MSH4: variants seen among roughly 807,000 people sequenced by gnomAD.
MSH4 encodes the protein mutS homolog 4, also known as mutS protein homolog 4.
In MSH4, 106 loss-of-function variants were observed where a neutral mutation model predicts 113.7. The ratio of observed to expected loss-of-function variants is 0.93; its 90% CI spans 0.80 to 1.10. The LOEUF (loss-of-function observed/expected upper bound fraction) is 1.10. Among genes scored for constraint, MSH4 ranks in the 50% least tolerant of loss-of-function variants. MSH4 has a pLI of 0.00. For synonymous variants in MSH4, 368 were observed against 380.2 expected (o/e 0.97, Z 0.37); for missense variants, 1,061 against 1,093.7 (o/e 0.97, Z 0.42).
At chr1:75,869,531 A>G (rs1269119759) in intron 9 of MSH4, among the ~76,000 whole-genome samples, 1 of 152,014 alleles carries the variant, frequency 6.6e-6, no homozygotes, top group Non-Finnish European at 1.5e-5. Flanking sequence ...AGGAGGAAAA[A>G]ATGGTTTTCT....
chr1:75,849,602 A>C (rs1651144627), intron 8 of MSH4, among the ~76,000 whole-genome samples: 1 of 152,184 alleles, frequency 6.6e-6, no homozygotes, highest in Non-Finnish European at 1.5e-5. Flanking sequence ...CACAGAACTG[A>C]GTTTCCTTAA....
chr1:75,907,634 A>T (rs367961225), intron 19 of MSH4, among the ~76,000 whole-genome samples: 1 of 136,502 alleles, frequency 7.3e-6, no homozygotes, highest in Non-Finnish European at 1.6e-5. Flanking sequence ...ACACCAGTGA[A>T]TCTTAGATTT....
chr1:75,816,366 C>G lies in MSH4; in HGVS notation c.816-7C>G, dbSNP rs1557493752. ...CTTATAGTGATGTATTATTGGTCAT[C>G]TTTTAGGTATTACTGCCTTGCAGCT... is the stretch of plus-strand genomic sequence containing the variant. On this transcript the variant is annotated splice_region_variant and splice_polypyrimidine_tract_variant and intron_variant, in intron 5 of 19. Transcript: ENST00000263187. The G allele has an allele frequency of 6.3e-7, 1 of 1,585,430 alleles. No individual in the cohort carries two copies. Among genetic ancestry groups the G allele is most frequent in the Non-Finnish European group, 8.6e-7 (1 of 1,162,662 alleles).
At chr1:75,849,465 A>G (rs1269612271) in intron 8 of MSH4, among the ~76,000 whole-genome samples, 2 of 152,230 alleles carry the variant, frequency 1.3e-5, no homozygotes, top group Non-Finnish European at 2.9e-5. Context: ...CAATTTGATG[A>G]CATTTGTAAA....
intron 8 of MSH4, among the ~76,000 whole-genome samples, chr1:75,856,142 T>A (rs1442492204): frequency 6.6e-6 from 1 of 152,144 alleles, no homozygotes; most frequent in Non-Finnish European, 1.5e-5. Context: ...GACTATCAGA[T>A]TTTAGAAAAG....
intron 7 of MSH4, among the ~76,000 whole-genome samples, chr1:75,824,608 T>G (rs1467606487): frequency 6.6e-6 from 1 of 152,212 alleles, no homozygotes; most frequent in African/African-American, 2.4e-5. Flanking sequence ...GTTTTAGGTC[T>G]TACATTTAAG....
intron 7 of MSH4, among the ~76,000 whole-genome samples, chr1:75,823,745 C>T (rs1650482273): frequency 6.6e-6 from 1 of 152,096 alleles, no homozygotes; most frequent in Non-Finnish European, 1.5e-5. Flanking sequence ...TCTGTTCCTG[C>T]ATTAGTTTGC....
Position 75,822,793 on chromosome 1 carries a change from T to G in MSH4, c.1162+212T>G, listed in dbSNP as rs183307448. Among the ~76,000 whole-genome samples, 165 of 146,316 alleles carry G rather than the reference T, an allele frequency of 1.1e-3. 2 individuals carry two copies. Among genetic ancestry groups the G allele is most frequent in the Non-Finnish European group, 2.1e-4 (14 of 65,278 alleles). On this transcript the variant is annotated intron_variant, in intron 7 of 19. Transcript: ENST00000263187. ...TGTATTTTGATTTCCTGTATGCTTT[T>G]CTTTTCCATTTTTTTCTGTTTTTTT...
At chr1:75,817,708 T>G (rs564566991) in intron 6 of MSH4, among the ~76,000 whole-genome samples, 1 of 152,152 alleles carries the variant, frequency 6.6e-6, no homozygotes, top group Non-Finnish European at 1.5e-5. Flanking sequence ...GCTTGCTGCC[T>G]GTTCAGTGCA....
intron 4 of MSH4, among the ~76,000 whole-genome samples, chr1:75,812,309 C>T (rs1297137968): frequency 1.3e-5 from 2 of 152,064 alleles, no homozygotes; most frequent in Non-Finnish European, 2.9e-5. Context: ...AATTGAACTT[C>T]GGTTTATACT....
In MSH4 at chr1:75,803,749, A is replaced by G. The variant is rs1188025055; in HGVS notation, c.263A>G (p.Lys88Arg). Residue 88 changes from lysine to arginine, a missense_variant, in exon 2 of 20, where the codon AAA becomes AGA. Transcript: ENST00000263187. ...RPAQGSYFGNKRAYAENTVAS... is the reference protein window; with the variant it reads ...RPAQGSYFGNRRAYAENTVAS... Reference sequence around the variant, plus strand: ...AATTTAGGTTCATACTTTGGAAACAAAAGAGCTTATGCAGAAAACACAGTT... The same window carrying G: ...AATTTAGGTTCATACTTTGGAAACAGAAGAGCTTATGCAGAAAACACAGTT... 7.0e-6 allele frequency: 11 copies of G among 1,579,966 alleles called. No homozygotes were observed. Among genetic ancestry groups the G allele is most frequent in the Admixed American group, 5.8e-5 (3 of 51,302 alleles).
At chr1:75,880,473 A>T (rs1161358167) in intron 13 of MSH4, among the ~76,000 whole-genome samples, 2 of 152,082 alleles carry the variant, frequency 1.3e-5, no homozygotes, top group Non-Finnish European at 2.9e-5. Context: ...TCAGCTTCTT[A>T]TACCTTGATA....
At chr1:75,912,573 A>C in intron 19 of MSH4, 123 bp from the exon 20 acceptor site, 1 of 490,748 alleles carries the variant, frequency 2.0e-6, no homozygotes, top group Non-Finnish European at 3.3e-6. Context: ...TGTTCAAAGG[A>C]ATTAGTTAAC....
intron 7 of MSH4, among the ~76,000 whole-genome samples, chr1:75,844,924 T>C (rs1001801667): frequency 1.3e-5 from 2 of 152,242 alleles, no homozygotes; most frequent in African/African-American, 4.8e-5. Flanking sequence ...GAGGGCCTTC[T>C]TGATGCATCA....
intron 8 of MSH4, among the ~76,000 whole-genome samples, chr1:75,854,023 A>G (rs1651256625): frequency 1.4e-5 from 2 of 144,940 alleles, no homozygotes; most frequent in African/African-American, 4.9e-5. Flanking sequence ...GTATATATAT[A>G]TATATGCATA....
At chr1:75,830,801 G>A (rs1650667377) in intron 7 of MSH4, among the ~76,000 whole-genome samples, 1 of 152,146 alleles carries the variant, frequency 6.6e-6, no homozygotes, top group South Asian at 2.1e-4. Context: ...ACTAAACATG[G>A]AAAGGAACAA....
chr1:75,835,003 G>A (rs1308357643), intron 7 of MSH4, among the ~76,000 whole-genome samples: 1 of 152,328 alleles, frequency 6.6e-6, no homozygotes, highest in East Asian at 1.9e-4. Context: ...TGGCATGGTG[G>A]TGCAGTTTTA....
chr1:75,881,094 G>A, intron 13 of MSH4, 152 bp from the exon 14 acceptor site: 1 of 514,618 alleles, frequency 1.9e-6, no homozygotes, highest in East Asian at 3.6e-5. Flanking sequence ...TCTCTAAAAT[G>A]AGACAGATGA....
At chr1:75,871,740 C>T (rs771722919) in intron 9 of MSH4, among the ~76,000 whole-genome samples, 18 of 152,124 alleles carry the variant, frequency 1.2e-4, no homozygotes, top group Non-Finnish European at 2.2e-4. Flanking sequence ...AGAGATTTGT[C>T]TGAAAGAACT....
Sources: allele counts gnomAD v4.1 joint callset (sites outside exome capture counted in the v4.1 genomes callset), GRCh38; gene constraint gnomAD v4.1.1; transcripts MANE v1.5; gene names NCBI Gene and HGNC (gene_info 2026-07-23, HGNC 2026-07-21).